Variants in ATP10B observed in about 807,000 individuals in gnomAD.
The protein encoded by ATP10B is phospholipid-transporting ATPase VB.
A neutral mutation model predicts 141.2 loss-of-function variants in ATP10B; 122 were observed. That is an observed-to-expected ratio of 0.86 (90% CI 0.75 to 1.00). ATP10B has a LOEUF of 1.00. Ranked by LOEUF, ATP10B falls within the 50% of genes least tolerant of loss-of-function variation. ATP10B has a pLI of 0.00. For missense variants in ATP10B, 1,876 were observed against 1,825.3 expected (o/e 1.03, Z -0.51); for synonymous variants, 685 against 692.0 (o/e 0.99, Z 0.16).
At chr5:160,834,073 C>T (rs1458208060) in intron 1 of ATP10B, among the ~76,000 whole-genome samples, 3 of 152,036 alleles carry the variant, frequency 2.0e-5, no homozygotes, top group Admixed American at 6.6e-5. Context: ...GCCTATAATT[C>T]CAGTTCTTTG....
At chr5:160,761,837 T>C (rs796137323) in intron 2 of ATP10B, among the ~76,000 whole-genome samples, 49 of 140,794 alleles carry the variant, frequency 3.5e-4, no homozygotes, top group African/African-American at 1.2e-3. Flanking sequence ...TTTAAAAAAA[T>C]GTAGGATATG....
chr5:160,900,908 GTTTTTTTTTT>G, the ATP10B span, among the ~76,000 whole-genome samples: 15 of 88,986 alleles, frequency 1.7e-4, no homozygotes, highest in African/African-American at 4.2e-4. Context: ...GGGTAGAGAA[GTTTTTTTTTT>G]TTTTTTTTTT....
intron 2 of ATP10B, among the ~76,000 whole-genome samples, chr5:160,777,922 A>T (rs1267406364): frequency 1.3e-5 from 2 of 152,152 alleles, no homozygotes; most frequent in African/African-American, 4.8e-5. Flanking sequence ...AATCTCTAAG[A>T]AGTAACAGGT....
chr5:160,652,622 C>T (rs1302843765), intron 7 of ATP10B, among the ~76,000 whole-genome samples: 5 of 135,840 alleles, frequency 3.7e-5, no homozygotes, highest in South Asian at 2.3e-4. Context: ...CCAGACCTGA[C>T]GAATTTTATA....
the ATP10B span, among the ~76,000 whole-genome samples, chr5:160,890,993 A>G: frequency 7.9e-6 from 1 of 126,018 alleles, no homozygotes; most frequent in Admixed American, 7.7e-5. Context: ...GTTTACGTGT[A>G]TGTGTGTGCG....
At chr5:160,575,214 A>AT (rs899956568) in intron 24 of ATP10B, among the ~76,000 whole-genome samples, 1 of 152,016 alleles carries the variant, frequency 6.6e-6, no homozygotes, top group South Asian at 2.1e-4. Flanking sequence ...CATAGCTAAA[A>AT]TTTTTTTACA....
At chr5:160,677,150 A>C (rs928441584) in intron 6 of ATP10B, among the ~76,000 whole-genome samples, 1 of 152,244 alleles carries the variant, frequency 6.6e-6, no homozygotes, top group Non-Finnish European at 1.5e-5. Flanking sequence ...CCTGATGACA[A>C]GAGTGCGGAG....
chr5:160,802,311 A>G (rs1180676805), intron 1 of ATP10B, among the ~76,000 whole-genome samples: 1 of 152,220 alleles, frequency 6.6e-6, no homozygotes, highest in Non-Finnish European at 1.5e-5. Context: ...GTAAGCTGAC[A>G]TTACCTGAGG....
At chr5:160,699,991 C>T (rs1256347132) in intron 3 of ATP10B, among the ~76,000 whole-genome samples, 1 of 152,038 alleles carries the variant, frequency 6.6e-6, no homozygotes, top group Non-Finnish European at 1.5e-5. Flanking sequence ...CATCATTTGA[C>T]TGGGGGTCTA....
intron 10 of ATP10B, chr5:160,639,255 T>C (rs912945557): frequency 6.6e-6 from 1 of 152,310 alleles, no homozygotes; most frequent in Non-Finnish European, 1.5e-5. Context: ...TCCTCATTGC[T>C]GCTCCCATAA....
intron 22 of ATP10B, 63 bp from the exon 23 acceptor site, chr5:160,591,202 A>G: frequency 7.0e-7 from 1 of 1,430,518 alleles, no homozygotes; most frequent in Non-Finnish European, 9.7e-7. Context: ...CTTTGCAAGC[A>G]ACTTTCTTGC....
chr5:160,919,397 C>A, the ATP10B span, among the ~76,000 whole-genome samples: 1 of 151,876 alleles, frequency 6.6e-6, no homozygotes, highest in Admixed American at 6.6e-5. Flanking sequence ...GTCTTGGAAC[C>A]AGGACTCACA....
intron 1 of ATP10B, among the ~76,000 whole-genome samples, chr5:160,839,941 A>G (rs1450182216): frequency 6.6e-6 from 1 of 152,142 alleles, no homozygotes; most frequent in Admixed American, 6.5e-5. Flanking sequence ...AAAACTCAAT[A>G]GCATTCATGT....
At chr5:160,679,927 C>G (rs760474367) in intron 6 of ATP10B, among the ~76,000 whole-genome samples, 16 of 152,094 alleles carry the variant, frequency 1.1e-4, no homozygotes, top group Non-Finnish European at 2.1e-4. Flanking sequence ...TTAAACTGAG[C>G]CCTGGGAGAA....
At chr5:160,831,110 G>A (rs867172474) in intron 1 of ATP10B, among the ~76,000 whole-genome samples, 4 of 12,854 alleles carry the variant, frequency 3.1e-4, no homozygotes, top group South Asian at 2.7e-3. Flanking sequence ...CTTTCAACAC[G>A]CTTTTTTTTT....
rs540583564 is a variant in ATP10B at position 160,677,297 on chromosome 5, G to T, written c.471-6630C>A. ...TGGCCTTCTGTGAGCACAGGGTGAGGCAGTGGGAGTAGCATGGGCACCTGC... is the reference window on the plus strand; with the variant it reads ...TGGCCTTCTGTGAGCACAGGGTGAGTCAGTGGGAGTAGCATGGGCACCTGC... On this transcript the variant is annotated intron_variant, in intron 6 of 25. Transcript: ENST00000327245. Among the ~76,000 whole-genome samples the T allele has an allele frequency of 9.2e-5, 14 of 152,306 alleles. No individual in the cohort carries two copies. The South Asian group carries it at 2.3e-3, about 25-fold the overall frequency.
At chr5:160,891,701 G>A in the ATP10B span, among the ~76,000 whole-genome samples, 6 of 152,290 alleles carry the variant, frequency 3.9e-5, no homozygotes, top group South Asian at 1.2e-3. Flanking sequence ...GCCTCCCAAA[G>A]TGCTGGGATT....
At chr5:160,836,658 A>G (rs1277234814) in intron 1 of ATP10B, among the ~76,000 whole-genome samples, 1 of 152,096 alleles carries the variant, frequency 6.6e-6, no homozygotes, top group East Asian at 1.9e-4. Context: ...AGGCAGTGAA[A>G]TTATTTTTCT....
At chr5:160,784,311 G>T (rs1770973020) in intron 2 of ATP10B, among the ~76,000 whole-genome samples, 1 of 152,138 alleles carries the variant, frequency 6.6e-6, no homozygotes, top group Non-Finnish European at 1.5e-5. Flanking sequence ...CAATGAATTT[G>T]AGAGTCCTTT....
Sources: allele counts gnomAD v4.1 joint callset (sites outside exome capture counted in the v4.1 genomes callset), GRCh38; gene constraint gnomAD v4.1.1; transcripts MANE v1.5; gene names NCBI Gene and HGNC (gene_info 2026-07-23, HGNC 2026-07-21).